The following ZNF577 variants were observed in gnomAD, a reference collection of about 807,000 sequenced individuals.
The protein encoded by ZNF577 is zinc finger protein 577.
In ZNF577, 14 loss-of-function variants were observed where a neutral mutation model predicts 13.9. That is an observed-to-expected ratio of 1.00 (90% confidence interval 0.66 to 1.57). The LOEUF (loss-of-function observed/expected upper bound fraction) is 1.57, where lower values mean the gene tolerates loss of function less well. ZNF577 is among the 40% of genes most tolerant of loss of function. ZNF577 has a pLI of 0.00. For missense variants in ZNF577, 555 were observed against 579.2 expected, an observed-to-expected ratio of 0.96 and a Z score of 0.43; for synonymous variants, 203 against 202.9, an observed-to-expected ratio of 1.00 and a Z score of 0.00.
At position 51,887,413 on chromosome 19, in the gene ZNF577, T is replaced by C. The variant is rs977078536; in HGVS notation, c.-811A>G. The C allele has an allele frequency of 2.6e-5, 4 of 152,184 alleles. No homozygotes were observed. Among genetic ancestry groups the C allele is most frequent in the African/African-American group, 9.7e-5 (4 of 41,440 alleles). The allele number at this position is 152,184 out of a possible 1,614,324, so 9.4% of individuals were successfully genotyped here. On this transcript the variant is annotated 5_prime_UTR_variant, in exon 1 of 6. Coordinates refer to ENST00000638348, the MANE Select transcript of ZNF577 (RefSeq NM_001370449.1). ...AATACACTAAACCAGAGTTATTTTC[T>C]GGAGGAGTATTTAAAATGATGGGGA...
intron 9 of ZNF577, among the ~76,000 whole-genome samples, chr19:51,835,575 T>C (rs2122527560): frequency 6.6e-6 from 1 of 152,340 alleles, no homozygotes; most frequent in East Asian, 1.9e-4. Context: ...ACAAAAATTG[T>C]GCTTGAAGAA....
Position 51,878,491 on chromosome 19 carries a change from C to G in ZNF577, c.85G>C (p.Ala29Pro). 6.2e-7 allele frequency: 1 copy of G among 1,614,096 alleles called. No individual in the cohort carries two copies. The highest frequency in any genetic ancestry group is 8.5e-7 in the Non-Finnish European group (1 of 1,179,978). ...GEGSLSFEDV[A>P]VGFTREEWQF... is the part of the protein sequence containing the mutation. The stretch of plus-strand genomic sequence containing the variant: ...CACTCCTCCCTGGTGAAGCCCACAG[C>G]CACATCTTCGAATGACAATGACCCC... Residue 29 changes from alanine (A) to proline (P), a missense_variant, in exon 4 of 6, where the codon GCT (alanine) becomes CCT (proline). Physicochemically the swap from Ala to Pro is conservative, Grantham distance 27. Coordinates refer to ENST00000638348, the MANE Select transcript of ZNF577 (RefSeq NM_001370449.1).
chr19:51,876,535 A>C (rs980837806), intron 5 of ZNF577, among the ~76,000 whole-genome samples: 1 of 151,448 alleles, frequency 6.6e-6, no homozygotes, highest in Non-Finnish European at 1.5e-5. Context: ...CATGGTGTGG[A>C]GGCATTGACG....
chr19:51,874,660 C>T (rs1050699757), intron 5 of ZNF577, among the ~76,000 whole-genome samples: 2 of 152,260 alleles, frequency 1.3e-5, no homozygotes, highest in East Asian at 3.9e-4. Context: ...AGCCACCAAA[C>T]ATTTTTTTGC....
At chr19:51,821,990 T>C (rs1257083422) in intron 9 of ZNF577, among the ~76,000 whole-genome samples, 1 of 152,128 alleles carries the variant, frequency 6.6e-6, no homozygotes. Context: ...CACAGAGAGA[T>C]TCTAGAGTTG....
At chr19:51,813,119 AACACACACACACAC>A (rs35245083) in intron 9 of ZNF577, among the ~76,000 whole-genome samples, 12 of 137,120 alleles carry the variant, frequency 8.8e-5, no homozygotes, top group South Asian at 7.3e-4. Context: ...GCTCTGTCTC[AACACACACACACAC>A]ACACACACAC....
intron 8 of ZNF577, chr19:51,841,044 C>A: frequency 6.6e-6 from 1 of 152,278 alleles, no homozygotes; most frequent in Non-Finnish European, 1.5e-5. Flanking sequence ...CAAACTGCAC[C>A]ATTTTGGAAG....
At chr19:51,810,911 T>C (rs2084092180) in intron 10 of ZNF577, among the ~76,000 whole-genome samples, 1 of 152,212 alleles carries the variant, frequency 6.6e-6, no homozygotes. Flanking sequence ...GCTCTCCAGC[T>C]ATGGCAGCAG....
chr19:51,843,262 A>C (rs17835129), exon 7 of ZNF577: 11,856 of 155,802 alleles, frequency 0.076, 681 homozygotes, highest in South Asian at 0.22. Flanking sequence ...GGTCTAATAG[A>C]TTCCACTCCT....
At chr19:51,809,404 T>C (rs1055486443) in intron 10 of ZNF577, among the ~76,000 whole-genome samples, 1 of 152,208 alleles carries the variant, frequency 6.6e-6, no homozygotes, top group Admixed American at 6.5e-5. Context: ...CCATAAAATT[T>C]CTTTCCTTTA....
intron 2 of ZNF577, 47 bp from the exon 3 acceptor site, chr19:51,880,448 G>A: frequency 6.5e-7 from 1 of 1,530,182 alleles, no homozygotes. Context: ...AAACCCACAG[G>A]GTCTTAACAG....
chr19:51,872,563 A>C lies in ZNF577; in HGVS notation c.1427T>G (p.Ile476Ser), dbSNP rs2084676210. The C allele has an allele frequency of 1.2e-6, 2 of 1,605,482 alleles. No individual in the cohort carries two copies. The highest frequency in any genetic ancestry group is 4.5e-5 in the East Asian group (2 of 44,822). The change falls in exon 6 of 6, where the codon ATC (isoleucine) becomes AGC (serine). Residue 476 changes from isoleucine (I) to serine (S), a missense_variant. By Grantham distance (142) the Ile-to-Ser change is moderately radical. Transcript: ENST00000638348. ...VNVAPSVINY[I>S]LYLTDIVSE ...TGATACAATATCTGTAAGATACAAG[A>C]TATAATTTATTACTGATGGGGCCAC... is the stretch of plus-strand genomic sequence containing the variant.
chr19:51,875,810 G>C (rs748221317), intron 5 of ZNF577, among the ~76,000 whole-genome samples: 1 of 152,226 alleles, frequency 6.6e-6, no homozygotes, highest in Non-Finnish European at 1.5e-5. Context: ...AGAGAAGTCA[G>C]TCAAACGTGC....
At chr19:51,858,495 A>G (rs762661393) in intron 5 of ZNF577, among the ~76,000 whole-genome samples, 1 of 152,240 alleles carries the variant, frequency 6.6e-6, no homozygotes, top group African/African-American at 2.4e-5. Context: ...AGTACTCCTT[A>G]AACATCTTTA....
intron 5 of ZNF577, among the ~76,000 whole-genome samples, chr19:51,875,488 G>T (rs375494795): frequency 6.6e-6 from 1 of 151,978 alleles, no homozygotes; most frequent in African/African-American, 2.4e-5. Flanking sequence ...AAAATGCAAC[G>T]TGATCAAATG....
At chr19:51,813,926 A>T (rs1599836298) in intron 9 of ZNF577, among the ~76,000 whole-genome samples, 1 of 152,144 alleles carries the variant, frequency 6.6e-6, no homozygotes. Flanking sequence ...GGGCCCGTTG[A>T]TGTGATGTCC....
At chr19:51,875,226 G>C (rs952007960) in intron 5 of ZNF577, among the ~76,000 whole-genome samples, 3 of 151,952 alleles carry the variant, frequency 2.0e-5, no homozygotes, top group Admixed American at 6.6e-5. Flanking sequence ...AGCTAGGCGT[G>C]GTGGCAGGTG....
intron 10 of ZNF577, among the ~76,000 whole-genome samples, chr19:51,807,134 G>T (rs549618525): frequency 1.3e-5 from 2 of 152,170 alleles, no homozygotes; most frequent in Non-Finnish European, 1.5e-5. Flanking sequence ...AAGCGGTCAG[G>T]GGGCAGCTTG....
chr19:51,883,149 C>T (rs1237825358), intron 1 of ZNF577, among the ~76,000 whole-genome samples: 14 of 152,104 alleles, frequency 9.2e-5, no homozygotes, highest in South Asian at 2.1e-4. Flanking sequence ...CCCACCACCA[C>T]GCCCGGCTAA....
Sources: gnomAD v4.1 joint callset for allele counts (sites outside exome capture counted in the v4.1 genomes callset) on GRCh38, gnomAD v4.1.1 for gene constraint, MANE v1.5 for transcripts, NCBI Gene and HGNC (gene_info 2026-07-23, HGNC 2026-07-21) for gene names.